SWAP70: variants seen among roughly 807,000 people sequenced by gnomAD.
SWAP70 encodes switching B cell complex subunit SWAP70.
In SWAP70, 34 loss-of-function variants were observed where a neutral mutation model predicts 80.2. That is an observed-to-expected ratio of 0.42 (90% CI 0.32 to 0.56). The LOEUF is 0.56. Among genes scored for constraint, SWAP70 ranks in the 20% least tolerant of loss-of-function variants. SWAP70 has a pLI of 0.09. For missense variants in SWAP70, 578 were observed against 690.7 expected, an observed-to-expected ratio of 0.84 and a Z score of 1.83; for synonymous variants, 239 against 238.5, an observed-to-expected ratio of 1.00 and a Z score of -0.02.
chr11:9,752,679 C>T lies in SWAP70; in HGVS notation c.*2709C>T, dbSNP rs916626690. ...AGAAAATTTCAAGAGTGTTTGAGTG[C>T]TTGTCATCAGGTGTTTTCCTTAATA... is the stretch of plus-strand genomic sequence containing the variant. On this transcript the variant is annotated 3_prime_UTR_variant, in exon 12 of 12. Transcript: ENST00000318950. 1.3e-5 allele frequency: 2 copies of T among 152,132 alleles called. No individual in the cohort carries two copies. The highest frequency in any genetic ancestry group is 4.8e-5 in the African/African-American group (2 of 41,428). The allele number at this position is 152,132 out of a possible 1,614,324, so 9.4% of individuals were successfully genotyped here.
At chr11:9,686,421 C>T (rs532699337) in intron 1 of SWAP70, among the ~76,000 whole-genome samples, 87 of 151,392 alleles carry the variant, frequency 5.7e-4, no homozygotes, top group Middle Eastern at 3.4e-3. Context: ...AGTACAGCGG[C>T]ACCATCACGA....
chr11:9,721,361 A>T (rs909776447), intron 3 of SWAP70, among the ~76,000 whole-genome samples: 1 of 152,154 alleles, frequency 6.6e-6, no homozygotes, highest in Non-Finnish European at 1.5e-5. Context: ...TTTGGTAAAC[A>T]CTTACCATGT....
At chr11:9,690,327 AT>A (rs1483238105) in intron 1 of SWAP70, among the ~76,000 whole-genome samples, 1 of 152,144 alleles carries the variant, frequency 6.6e-6, no homozygotes, top group East Asian at 1.9e-4. Context: ...CACGCCTCTA[AT>A]CCCAGCACGC....
At chr11:9,712,546 A>G (rs1254666244) in intron 2 of SWAP70, among the ~76,000 whole-genome samples, 1 of 128,994 alleles carries the variant, frequency 7.8e-6, no homozygotes, top group African/African-American at 3.1e-5. Context: ...TTTTAAATTA[A>G]TTAAACAATG....
At chr11:9,711,581 G>T (rs1299759551) in intron 2 of SWAP70, among the ~76,000 whole-genome samples, 1 of 152,194 alleles carries the variant, frequency 6.6e-6, no homozygotes, top group African/African-American at 2.4e-5. Context: ...GGCTCAGCCA[G>T]TAGAACTTTG....
At chr11:9,685,704 G>A (rs1474110144) in intron 1 of SWAP70, among the ~76,000 whole-genome samples, 1 of 151,816 alleles carries the variant, frequency 6.6e-6, no homozygotes, top group African/African-American at 2.4e-5. Flanking sequence ...TGTGATTTCT[G>A]CTCACTGCAA....
intron 2 of SWAP70, among the ~76,000 whole-genome samples, chr11:9,695,921 C>A (rs570390459): frequency 6.6e-6 from 1 of 152,058 alleles, no homozygotes; most frequent in East Asian, 1.9e-4. Flanking sequence ...CTCAGATTCC[C>A]ATTATTGGGA....
At chr11:9,677,197 C>T (rs1850512883) in intron 1 of SWAP70, among the ~76,000 whole-genome samples, 1 of 151,944 alleles carries the variant, frequency 6.6e-6, no homozygotes, top group Admixed American at 6.6e-5. Flanking sequence ...AGGAATAGGG[C>T]ATCTTATTTG....
chr11:9,684,878 C>G (rs182984143), intron 1 of SWAP70, among the ~76,000 whole-genome samples: 11 of 152,162 alleles, frequency 7.2e-5, no homozygotes, highest in Non-Finnish European at 8.8e-5. Context: ...TTAGGTACTT[C>G]ATTAGGTTTT....
chr11:9,683,938 G>C (rs189951116), intron 1 of SWAP70, among the ~76,000 whole-genome samples: 6 of 152,218 alleles, frequency 3.9e-5, no homozygotes, highest in Admixed American at 1.3e-4. Flanking sequence ...GGGACCATGC[G>C]GGGTCAGGTT....
At chr11:9,664,480 C>G (rs1391117892) in intron 1 of SWAP70, among the ~76,000 whole-genome samples, 4 of 152,340 alleles carry the variant, frequency 2.6e-5, no homozygotes, top group Non-Finnish European at 2.9e-5. Flanking sequence ...GCCATGCCCT[C>G]GGTTGGATGT....
At chr11:9,695,738 T>TG (rs1850748638) in intron 2 of SWAP70, among the ~76,000 whole-genome samples, 1 of 152,094 alleles carries the variant, frequency 6.6e-6, no homozygotes, top group Admixed American at 6.6e-5. Context: ...TCCGTTTTTT[T>TG]TTGTTGTTGT....
intron 7 of SWAP70, among the ~76,000 whole-genome samples, chr11:9,733,766 C>T (rs1851329934): frequency 6.6e-6 from 1 of 152,174 alleles, no homozygotes; most frequent in South Asian, 2.1e-4. Flanking sequence ...CTTCCTTCCA[C>T]TGTGCACACA....
chr11:9,703,748 ACACT>A (rs1210058256), intron 2 of SWAP70, among the ~76,000 whole-genome samples: 1 of 152,184 alleles, frequency 6.6e-6, no homozygotes, highest in Non-Finnish European at 1.5e-5. Flanking sequence ...TACCTGGTAA[ACACT>A]CACAATGATT....
At chr11:9,700,172 T>C (rs1850813722) in intron 2 of SWAP70, among the ~76,000 whole-genome samples, 1 of 152,130 alleles carries the variant, frequency 6.6e-6, no homozygotes, top group South Asian at 2.1e-4. Context: ...GTTTTATAAC[T>C]GGGGGAGGAA....
intron 2 of SWAP70, among the ~76,000 whole-genome samples, chr11:9,699,943 G>T: frequency 6.7e-6 from 1 of 150,356 alleles, no homozygotes; most frequent in South Asian, 2.1e-4. Flanking sequence ...AAATATTATA[G>T]AACATACTGG....
intron 1 of SWAP70, among the ~76,000 whole-genome samples, chr11:9,669,034 A>C (rs1042481950): frequency 6.6e-6 from 1 of 152,230 alleles, no homozygotes; most frequent in Non-Finnish European, 1.5e-5. Context: ...TAAAAAACAT[A>C]AAGTCTGGTG....
At chr11:9,677,050 T>C (rs77188018) in intron 1 of SWAP70, among the ~76,000 whole-genome samples, 2,663 of 146,126 alleles carry the variant, frequency 0.018, 125 homozygotes, top group East Asian at 0.17. Context: ...ATTTCTCTCT[T>C]TTTTTTTTTT....
chr11:9,725,747 T>G (rs1362553322), intron 4 of SWAP70, among the ~76,000 whole-genome samples: 2 of 151,642 alleles, frequency 1.3e-5, no homozygotes, highest in Admixed American at 1.3e-4. Context: ...AGCTTTTGTA[T>G]TTTTAGTAGA....
Sources: allele counts gnomAD v4.1 joint callset (sites outside exome capture counted in the v4.1 genomes callset), GRCh38; gene constraint gnomAD v4.1.1; transcripts MANE v1.5; gene names NCBI Gene and HGNC (gene_info 2026-07-23, HGNC 2026-07-21).